Variants in DCST2 observed in about 807,000 individuals in gnomAD.
The protein encoded by DCST2 is DC-STAMP domain-containing protein 2.
Under a neutral mutation model 81.8 loss-of-function variants are expected in DCST2, and 64 were observed. The ratio of observed to expected loss-of-function variants is 0.78; its 90% confidence interval spans 0.64 to 0.96. The LOEUF (loss-of-function observed/expected upper bound fraction) is 0.96, where lower values mean the gene tolerates loss of function less well. DCST2 is among the 40% of genes least tolerant of loss of function. The probability of loss-of-function intolerance (pLI) is 0.00; values close to 1 mark genes in which losing one functional copy is unlikely to be tolerated. For missense variants in DCST2, 945 were observed against 1,001.4 expected (o/e 0.94, Z 0.76); for synonymous variants, 354 against 402.6 (o/e 0.88, Z 1.44).
At chr1:155,022,028 G>A (rs781133791) in intron 14 of DCST2, among the ~76,000 whole-genome samples, 4 of 151,792 alleles carry the variant, frequency 2.6e-5, no homozygotes, top group Admixed American at 1.3e-4. Flanking sequence ...CACCAAACCC[G>A]GCTAATTTTT....
Position 155,029,288 on chromosome 1 carries a change from G to A in DCST2, c.1287C>T (p.Val429=). Residue 429 remains valine, a synonymous_variant, in exon 8 of 15, where the codon GTC becomes GTT. Transcript: ENST00000368424. The part of the protein sequence containing the change: ...VLFLVFLDYA[V]FWVLDLARHQ... ...GCCGGGCCAGGTCAAGCACCCAGAA[G>A]ACAGCATAGTCTAGGAAGACTAGGA... The A allele has an allele frequency of 6.2e-7, 1 of 1,614,104 alleles. No homozygotes were observed. Among genetic ancestry groups the A allele is most frequent in the East Asian group, 2.2e-5 (1 of 44,886 alleles).
rs1340198195 is a variant in DCST2, at chr1:155,024,489, G to T, written c.1725C>A (p.Phe575Leu). The T allele has an allele frequency of 1.2e-6, 2 of 1,606,396 alleles. No homozygotes were observed. The highest frequency in any genetic ancestry group is 3.4e-5 in the Admixed American group (2 of 59,374). The change falls in exon 11 of 15, where the codon TTC becomes TTA. Residue 575 changes from phenylalanine (F) to leucine (L), a missense_variant. By Grantham distance (22) the Phe-to-Leu change is conservative. Transcript: ENST00000368424. ...GGCCTCACCGACTGGCCAGCACTAG[G>T]AAGGCACTTCTGTGGCCCTGGTCAG... ...RAADQGHRSA[F>L]LVLASRCPCL... is the part of the protein sequence containing the mutation.
At chr1:155,033,048 G>A (rs1297372338) in intron 2 of DCST2, 46 bp downstream of exon 2, 2 of 1,489,622 alleles carry the variant, frequency 1.3e-6, no homozygotes, top group Non-Finnish European at 1.8e-6. Flanking sequence ...GGATGAGGGG[G>A]GCGAGGGGGG....
chr1:155,031,515 T>TACCCC, intron 4 of DCST2, 59 bp downstream of exon 4: 1 of 643,126 alleles, frequency 1.6e-6, no homozygotes, highest in East Asian at 3.4e-5. Context: ...ACCCCCACAT[T>TACCCC]CCCACCCCAC....
intron 8 of DCST2, among the ~76,000 whole-genome samples, chr1:155,027,019 A>G (rs1018389002): frequency 6.6e-6 from 1 of 151,834 alleles, no homozygotes; most frequent in Non-Finnish European, 1.5e-5. Context: ...GACCACCCAG[A>G]AGCATTTATT....
At chr1:155,023,782 A>C (rs931008692) in intron 12 of DCST2, 50 bp downstream of exon 12, 2 of 1,609,000 alleles carry the variant, frequency 1.2e-6, no homozygotes, top group African/African-American at 2.7e-5. Context: ...TGTCATATGC[A>C]AGTGGGGTAA....
At position 155,029,222 on chromosome 1, in the gene DCST2, T is replaced by A; in HGVS notation, c.1342+11A>T. 1 of 1,612,322 alleles carries A rather than the reference T, an allele frequency of 6.2e-7. No homozygotes were observed. Among genetic ancestry groups the A allele is most frequent in the Admixed American group, 1.7e-5 (1 of 59,942 alleles). Reference sequence around the variant, plus strand: ...GGGTGAGTGGGAGGAGGCTGTCACGTAGGCACTCACTGCGGGCCACAATCT... The same window carrying A: ...GGGTGAGTGGGAGGAGGCTGTCACGAAGGCACTCACTGCGGGCCACAATCT... On this transcript the variant is annotated intron_variant, in intron 8 of 14. Transcript: ENST00000368424.
chr1:155,026,613 C>T lies in DCST2; in HGVS notation c.1445G>A (p.Ser482Asn). The change falls in exon 9 of 15, where the codon AGT becomes AAT. Residue 482 changes from serine to asparagine, a missense_variant. Ser to Asn is a conservative substitution (Grantham distance 46). Transcript: ENST00000368424. ...AAGGAGACAACGCCGGGACAAAATACTGATGTTGCCTTGCTGCAGGACATC... is the reference window on the plus strand; with the variant it reads ...AAGGAGACAACGCCGGGACAAAATATTGATGTTGCCTTGCTGCAGGACATC... ...AFDVLQQGNI[S>N]ILSRRCLLRP... 1 of 1,614,244 alleles carries T rather than the reference C, an allele frequency of 6.2e-7. No homozygotes were observed. The highest frequency in any genetic ancestry group is 8.5e-7 in the Non-Finnish European group (1 of 1,180,050).
At chr1:155,026,228 G>T in intron 10 of DCST2, 74 bp downstream of exon 10, 3 of 1,479,368 alleles carry the variant, frequency 2.0e-6, no homozygotes, top group Non-Finnish European at 2.8e-6. Context: ...AGCTCCCAAA[G>T]CCAAAAAAGC....
In DCST2 at chr1:155,030,584, G is replaced by T. The variant is rs1179035964; in HGVS notation, c.867C>A (p.His289Gln). The T allele has an allele frequency of 6.2e-7, 1 of 1,614,134 alleles. No homozygotes were observed. The highest frequency in any genetic ancestry group is 1.7e-5 in the Admixed American group (1 of 60,022). The change falls in exon 6 of 15, where the codon CAC becomes CAA. Residue 289 changes from histidine to glutamine, a missense_variant. Transcript: ENST00000368424. ...AGGCATTGAGATCCACAGAGAAGTG[G>T]TGGGTGGCTGTCATGTTGAACTCAA... Reference protein sequence around the residue: ...QEFEFNMTATHHFSVDLNASR... With the variant: ...QEFEFNMTATQHFSVDLNASR...
chr1:155,026,621 G>A lies in DCST2; in HGVS notation c.1437C>T (p.Gly479=). 6.2e-7 allele frequency: 1 copy of A among 1,614,184 alleles called. No individual in the cohort carries two copies. The highest frequency in any genetic ancestry group is 8.5e-7 in the Non-Finnish European group (1 of 1,180,042). The change falls in exon 9 of 15, where the codon GGC becomes GGT. Residue 479 remains glycine (G), a synonymous_variant. Transcript: ENST00000368424. ...AACGCCGGGACAAAATACTGATGTT[G>A]CCTTGCTGCAGGACATCAAATGCTG... ...LVSAFDVLQQ[G]NISILSRRCL...
intron 8 of DCST2, 61 bp from the exon 9 acceptor site, chr1:155,026,776 CCTT>C: frequency 1.9e-6 from 3 of 1,596,370 alleles, no homozygotes; most frequent in Admixed American, 1.7e-5. Flanking sequence ...AAACCCCACA[CCTT>C]CTGGAATGAG....
chr1:155,025,560 C>A (rs1226215567), intron 10 of DCST2, among the ~76,000 whole-genome samples: 3 of 152,062 alleles, frequency 2.0e-5, no homozygotes, highest in Non-Finnish European at 4.4e-5. Context: ...ATCTCTTGAC[C>A]TTGTGATCTG....
At chr1:155,030,681 G>A in intron 5 of DCST2, 36 bp from the exon 6 acceptor site, 1 of 1,608,616 alleles carries the variant, frequency 6.2e-7, no homozygotes, top group Non-Finnish European at 8.5e-7. Flanking sequence ...CGTGGGCAAG[G>A]AGAGTTAGGA....
At chr1:155,024,290 AAAGTAT>A (rs1323398696) in intron 11 of DCST2, among the ~76,000 whole-genome samples, 176 bp downstream of exon 11, 2 of 152,188 alleles carry the variant, frequency 1.3e-5, no homozygotes, top group African/African-American at 4.8e-5. Context: ...CCTAAAACTT[AAAGTAT>A]AATAATAATA....
intron 10 of DCST2, among the ~76,000 whole-genome samples, chr1:155,025,071 C>T (rs768916561): frequency 6.7e-6 from 1 of 148,574 alleles, no homozygotes; most frequent in Non-Finnish European, 1.5e-5. Context: ...CGTTTGAACC[C>T]GGGAGGCGGA....
At chr1:155,031,039 C>A (rs1263508583) in intron 5 of DCST2, 130 bp downstream of exon 5, 7 of 1,012,238 alleles carry the variant, frequency 6.9e-6, no homozygotes, top group Non-Finnish European at 1.0e-5. Flanking sequence ...TGGGTGATCA[C>A]TTGAGCCCCT....
At chr1:155,025,319 T>C (rs1036850250) in intron 10 of DCST2, among the ~76,000 whole-genome samples, 1 of 151,742 alleles carries the variant, frequency 6.6e-6, no homozygotes, top group African/African-American at 2.4e-5. Context: ...TGAGGGTTTT[T>C]TGTTTGTTTT....
At position 155,029,236 on chromosome 1, in the gene DCST2, G is replaced by C. The variant is rs147350301; in HGVS notation, c.1339C>G (p.Arg447Gly). 2.5e-6 allele frequency: 4 copies of C among 1,613,076 alleles called. No homozygotes were observed. ...AGGCTGTCACGTAGGCACTCACTGC[G>C]GGCCACAATCTCCCCCTGCAGCTGG... ...RHQLQGEIVARSPVLVSLTVE... is the reference protein window; with the variant it reads ...RHQLQGEIVAGSPVLVSLTVE... Residue 447 changes from arginine (R) to glycine (G), a missense_variant, in exon 8 of 15, where the codon CGC (arginine) becomes GGC (glycine). Arg to Gly is a moderately radical substitution (Grantham distance 125, BLOSUM62 -2). Transcript: ENST00000368424.
Sources: gnomAD v4.1 joint callset for allele counts (sites outside exome capture counted in the v4.1 genomes callset) on GRCh38, gnomAD v4.1.1 for gene constraint, MANE v1.5 for transcripts, NCBI Gene and HGNC (gene_info 2026-07-23, HGNC 2026-07-21) for gene names.